Variants in ZFYVE16 observed in about 807,000 individuals in gnomAD.
The protein encoded by ZFYVE16 is zinc finger FYVE-type containing 16.
A neutral mutation model predicts 138.1 loss-of-function variants in ZFYVE16; 89 were observed. The ratio of observed to expected loss-of-function variants is 0.64; its 90% confidence interval spans 0.54 to 0.77. ZFYVE16 has a LOEUF of 0.77. Among genes scored for constraint, ZFYVE16 ranks in the 30% least tolerant of loss-of-function variants. ZFYVE16 has a pLI of 0.00. For missense variants in ZFYVE16, 1,793 were observed against 1,786.7 expected (o/e 1.00, Z -0.06); for synonymous variants, 596 against 618.3 (o/e 0.96, Z 0.53).
chr5:80,435,002 C>T (rs889748745), intron 3 of ZFYVE16, among the ~76,000 whole-genome samples: 4 of 151,972 alleles, frequency 2.6e-5, no homozygotes, highest in African/African-American at 4.8e-5. Flanking sequence ...GCTGGGATTA[C>T]AGGCACCCCC....
At chr5:80,445,069 A>T (rs1200124730) in intron 6 of ZFYVE16, among the ~76,000 whole-genome samples, 194 bp from the exon 7 acceptor site, 2 of 152,144 alleles carry the variant, frequency 1.3e-5, no homozygotes, top group Non-Finnish European at 2.9e-5. Flanking sequence ...CCTTTGTACG[A>T]ATTAGATAGA....
At chr5:80,473,999 C>A in intron 17 of ZFYVE16, 140 bp downstream of exon 17, 1 of 597,900 alleles carries the variant, frequency 1.7e-6, no homozygotes, top group Non-Finnish European at 2.8e-6. Flanking sequence ...ATACGCATTT[C>A]CACCCCAGAA....
rs186211004 is a variant in ZFYVE16 at position 80,421,266 on chromosome 5, A to G, written c.-93-6226A>G. 9.4e-3 allele frequency among the ~76,000 whole-genome samples: 1,437 copies of G among 152,192 alleles called. 26 individuals are homozygous for G. The highest frequency in any genetic ancestry group is 0.031 in the African/African-American group (1,305 of 41,508). The stretch of plus-strand genomic sequence containing the variant: ...TAGGTTGCCTGTTCACTCTGATGGT[A>G]GTTTCTTTTGCTGTGCAGATGCTCT... On this transcript the variant is annotated intron_variant, in intron 1 of 18. Coordinates refer to ENST00000505560, the MANE Select transcript of ZFYVE16 (RefSeq NM_001284236.3).
intron 15 of ZFYVE16, among the ~76,000 whole-genome samples, chr5:80,461,700 G>T (rs1272915157): frequency 6.6e-6 from 1 of 152,128 alleles, no homozygotes; most frequent in Non-Finnish European, 1.5e-5. Flanking sequence ...CCTAGGCTGG[G>T]TGTGGTGGGT....
At chr5:80,455,554 C>A in intron 11 of ZFYVE16, 138 bp from the exon 12 acceptor site, 2 of 716,042 alleles carry the variant, frequency 2.8e-6, no homozygotes, top group Non-Finnish European at 4.5e-6. Flanking sequence ...AAAAAATTAT[C>A]TCTCACTTTC....
intron 15 of ZFYVE16, among the ~76,000 whole-genome samples, chr5:80,466,458 A>G (rs545940057): frequency 5.3e-5 from 8 of 152,240 alleles, no homozygotes; most frequent in Admixed American, 2.0e-4. Flanking sequence ...TGTAATTTCT[A>G]TCATTTCATT....
chr5:80,429,447 G>C (rs944477508), intron 2 of ZFYVE16, among the ~76,000 whole-genome samples: 5 of 152,256 alleles, frequency 3.3e-5, no homozygotes, highest in Admixed American at 3.3e-4. Context: ...GCTCCTGAAG[G>C]GAGCACTAAA....
intron 12 of ZFYVE16, 191 bp from the exon 13 acceptor site, chr5:80,456,270 C>T: frequency 2.2e-6 from 1 of 444,846 alleles, no homozygotes; most frequent in Non-Finnish European, 4.0e-6. Flanking sequence ...TTTATTTATC[C>T]ATGCCTAGTT....
At position 80,480,165 on chromosome 5, in the gene ZFYVE16, T is replaced by G. The variant is rs1755211543; in HGVS notation, c.*2788T>G. Among the ~76,000 whole-genome samples the G allele has an allele frequency of 6.6e-6, 1 of 151,592 alleles. No homozygotes were observed. Among genetic ancestry groups the G allele is most frequent in the African/African-American group, 2.4e-5 (1 of 40,932 alleles). On this transcript the variant is annotated 3_prime_UTR_variant, in exon 19 of 19. Transcript: ENST00000505560. ...ATTACTTGAAGCAATGAAAACAAAC[T>G]CACAGATATAGGTATTAGATTTGTT...
At chr5:80,440,846 G>T in intron 5 of ZFYVE16, 12 of 985,190 alleles carry the variant, frequency 1.2e-5, no homozygotes, top group Non-Finnish European at 1.4e-5. Flanking sequence ...ACTGCTTCCT[G>T]TTAGCCAGGG....
At chr5:80,473,686 A>G in intron 16 of ZFYVE16, 68 bp from the exon 17 acceptor site, 3 of 1,154,088 alleles carry the variant, frequency 2.6e-6, no homozygotes, top group Non-Finnish European at 3.7e-6. Context: ...CATTTGTTCA[A>G]ATCTAATAAT....
intron 11 of ZFYVE16, chr5:80,454,219 G>A (rs2112467110): frequency 6.6e-6 from 1 of 152,190 alleles, no homozygotes; most frequent in East Asian, 1.9e-4. Flanking sequence ...GGTATGTGGT[G>A]TTTCTTTAGA....
intron 1 of ZFYVE16, among the ~76,000 whole-genome samples, chr5:80,419,096 T>C (rs1746690539): frequency 6.6e-6 from 1 of 151,242 alleles, no homozygotes; most frequent in Admixed American, 6.6e-5. Flanking sequence ...TTTTTTTTTT[T>C]ATGCAGGGTC....
Position 80,472,861 on chromosome 5 carries a change from A to C in ZFYVE16, c.4125A>C (p.Ala1375=). Residue 1375 remains alanine (A), a synonymous_variant, in exon 16 of 19, where the codon GCA becomes GCC. Transcript: ENST00000505560. ...DFKITCGKVD[A]VDLREYVDIC... is the part of the protein sequence containing the mutation. The stretch of plus-strand genomic sequence containing the variant: ...AAATTACATGTGGGAAAGTTGATGC[A>C]GTAGACCTGAGAGAATACGTGGATA... 1 of 1,614,022 alleles carries C rather than the reference A, an allele frequency of 6.2e-7. No individual in the cohort carries two copies. The highest frequency in any genetic ancestry group is 2.2e-5 in the East Asian group (1 of 44,854).
rs1751023181 is a variant in ZFYVE16 at position 80,444,058 on chromosome 5, C to G, written c.2581+774C>G. On this transcript the variant is annotated intron_variant, in intron 6 of 18. Coordinates refer to ENST00000505560, the MANE Select transcript of ZFYVE16 (RefSeq NM_001284236.3). ...TTTACAACCTGTCATCAATTAGCAT[C>G]TTGGGTAAGGCACATGTAGGTCTTT... 9.5e-6 allele frequency: 3 copies of G among 317,002 alleles called. No individual in the cohort carries two copies. In the Admixed American group the frequency reaches 1.2e-4, roughly 13 times the overall value. 19.6% of individuals were successfully genotyped at this position (317,002 alleles called of 1,614,324 possible).
chr5:80,461,677 T>A (rs962027684), intron 15 of ZFYVE16, among the ~76,000 whole-genome samples: 1 of 152,136 alleles, frequency 6.6e-6, no homozygotes, highest in African/African-American at 2.4e-5. Context: ...CTTCTTCTTC[T>A]AAGAACACCA....
intron 7 of ZFYVE16, among the ~76,000 whole-genome samples, chr5:80,447,390 C>T (rs940051787): frequency 6.6e-6 from 1 of 151,776 alleles, no homozygotes; most frequent in Non-Finnish European, 1.5e-5. Flanking sequence ...TACAAATAGC[C>T]GTAATTACCA....
At position 80,472,930 on chromosome 5, in the gene ZFYVE16, A is replaced by G. The variant is rs1482819637; in HGVS notation, c.4187+7A>G. 6.3e-7 allele frequency: 1 copy of G among 1,580,160 alleles called. No individual in the cohort carries two copies. The highest frequency in any genetic ancestry group is 8.6e-7 in the Non-Finnish European group (1 of 1,164,698). On this transcript the variant is annotated splice_region_variant and intron_variant, in intron 16 of 18. Coordinates refer to ENST00000505560, the MANE Select transcript of ZFYVE16 (RefSeq NM_001284236.3). ...AAGAAAAAGGAAACAAAGGGTAGGA[A>G]TTTTTTTATTCTAAAATATAATTGA... is the stretch of plus-strand genomic sequence containing the variant.
chr5:80,438,805 A>G lies in ZFYVE16; in HGVS notation c.2120A>G (p.Asp707Gly), dbSNP rs780594895. The change falls in exon 4 of 19, where the codon GAT becomes GGT. Residue 707 changes from aspartate to glycine, a missense_variant. Coordinates refer to ENST00000505560, the MANE Select transcript of ZFYVE16 (RefSeq NM_001284236.3). ...GTTAGCTTCAACTCTAATTACATTG[A>G]TATAGAAAGTAATTCTGAAGGTGGA... Reference protein sequence around the residue: ...PQVSFNSNYIDIESNSEGGSS... With the variant: ...PQVSFNSNYIGIESNSEGGSS... 1.2e-6 allele frequency: 2 copies of G among 1,614,110 alleles called. No individual in the cohort carries two copies. Among genetic ancestry groups the G allele is most frequent in the South Asian group, 1.1e-5 (1 of 91,084 alleles).
Sources: gnomAD v4.1 joint callset for allele counts (sites outside exome capture counted in the v4.1 genomes callset) on GRCh38, gnomAD v4.1.1 for gene constraint, MANE v1.5 for transcripts, NCBI Gene and HGNC (gene_info 2026-07-23, HGNC 2026-07-21) for gene names.